Variants in MATN2 observed in about 807,000 individuals in gnomAD.
MATN2 encodes matrilin-2.
Under a neutral mutation model 103.2 loss-of-function variants are expected in MATN2, and 69 were observed. The observed-to-expected ratio is 0.67, with a 90% CI of 0.55 to 0.82. The LOEUF (loss-of-function observed/expected upper bound fraction) is 0.82, where lower values mean the gene tolerates loss of function less well. Ranked by LOEUF, MATN2 falls within the 40% of genes least tolerant of loss-of-function variation. MATN2 has a pLI of 0.00. For missense variants in MATN2, 1,023 were observed against 1,211.5 expected (o/e 0.84, Z 2.31); for synonymous variants, 429 against 450.2 (o/e 0.95, Z 0.60).
intron 8 of MATN2, among the ~76,000 whole-genome samples, chr8:98,006,707 G>C (rs1812981998): frequency 6.6e-6 from 1 of 152,190 alleles, no homozygotes; most frequent in Admixed American, 6.5e-5. Context: ...CCATGGCCCT[G>C]GCAGAGTGCT....
intron 3 of MATN2, among the ~76,000 whole-genome samples, chr8:97,933,932 C>T (rs1431896795): frequency 6.6e-6 from 1 of 152,044 alleles, no homozygotes; most frequent in African/African-American, 2.4e-5. Context: ...GCAGAAAGCC[C>T]CAGGAGGCAG....
chr8:97,913,252 G>A (rs926712787), intron 2 of MATN2, among the ~76,000 whole-genome samples: 1 of 152,046 alleles, frequency 6.6e-6, no homozygotes, highest in Admixed American at 6.6e-5. Flanking sequence ...CTGCAACGCT[G>A]GAAGACTCAT....
chr8:97,994,398 A>G, intron 6 of MATN2, 82 bp from the exon 7 acceptor site: 1 of 1,482,650 alleles, frequency 6.7e-7, no homozygotes, highest in South Asian at 1.3e-5. Flanking sequence ...TGTTTGGGAA[A>G]ATGAAGACTG....
intron 13 of MATN2, among the ~76,000 whole-genome samples, chr8:98,021,988 T>C (rs1813608058): frequency 2.0e-5 from 3 of 152,200 alleles, no homozygotes; most frequent in Admixed American, 2.0e-4. Context: ...GGCAATGTTA[T>C]CAATCCAGTT....
In MATN2 at chr8:98,033,146, C is replaced by A. The variant is rs746899053; in HGVS notation, c.2686C>A (p.Gln896Lys). 2.5e-6 allele frequency: 4 copies of A among 1,608,138 alleles called. No individual in the cohort carries two copies. Among genetic ancestry groups the A allele is most frequent in the South Asian group, 1.1e-5 (1 of 89,354 alleles). The change falls in exon 17 of 19, where the codon CAA becomes AAA. Residue 896 changes from glutamine (Q) to lysine (K), a missense_variant. Gln to Lys is a moderately conservative substitution (Grantham distance 53). Coordinates refer to ENST00000254898, the MANE Select transcript of MATN2 (RefSeq NM_002380.5). ...AGAAGACAATCTTTTACGGTCTACA[C>A]AAAAGCTTTCCCATTCAACAAAACC... Reference protein sequence around the residue: ...FEEDNLLRSTQKLSHSTKPSG... With the variant: ...FEEDNLLRSTKKLSHSTKPSG...
chr8:97,926,659 G>A (rs12548243), intron 2 of MATN2, among the ~76,000 whole-genome samples: 101,120 of 152,026 alleles, frequency 0.67, 34,189 homozygotes, highest in East Asian at 0.92. Context: ...GATTCCATGA[G>A]TCAAACTTCA....
chr8:98,018,951 C>T (rs570844697), intron 12 of MATN2, among the ~76,000 whole-genome samples: 3 of 151,592 alleles, frequency 2.0e-5, no homozygotes, highest in South Asian at 4.2e-4. Context: ...CTGAGAGTTT[C>T]GTTAGAAGGT....
chr8:97,991,052 A>G (rs1812372298), intron 6 of MATN2, among the ~76,000 whole-genome samples: 1 of 152,188 alleles, frequency 6.6e-6, no homozygotes, highest in African/African-American at 2.4e-5. Flanking sequence ...AAGAGACTGT[A>G]TTATTCCAAA....
chr8:97,944,089 G>A (rs1442534194), intron 4 of MATN2, among the ~76,000 whole-genome samples: 1 of 152,194 alleles, frequency 6.6e-6, no homozygotes, highest in Non-Finnish European at 1.5e-5. Flanking sequence ...ACTTCAGACA[G>A]ACTGACCAGG....
chr8:97,874,550 AT>A (rs1387754192), intron 1 of MATN2, among the ~76,000 whole-genome samples: 14 of 151,724 alleles, frequency 9.2e-5, no homozygotes, highest in African/African-American at 3.4e-4. Flanking sequence ...GACTACAAGG[AT>A]TGTGCCACCA....
In MATN2 at chr8:98,019,358, G is replaced by A. The variant is rs1813496818; in HGVS notation, c.1819+1242G>A. 2.6e-5 allele frequency among the ~76,000 whole-genome samples: 4 copies of A among 152,136 alleles called. No individual in the cohort carries two copies. The South Asian group carries it at 8.3e-4, about 32-fold the overall frequency. On this transcript the variant is annotated intron_variant, in intron 12 of 18. Transcript: ENST00000254898. ...GGAGACCCAGGCAAGAGCTGATGCT[G>A]CAGCCCAAGTCTGAAGGCAGTCTGG...
intron 8 of MATN2, chr8:98,004,112 C>T (rs12549307): frequency 0.55 from 154,029 of 280,252 alleles, 43,901 homozygotes; most frequent in Non-Finnish European, 0.63. Flanking sequence ...CATGGTGAAA[C>T]CCTATCTCTA....
chr8:97,958,441 A>C (rs918014791), intron 4 of MATN2, among the ~76,000 whole-genome samples: 1 of 152,252 alleles, frequency 6.6e-6, no homozygotes, highest in South Asian at 2.1e-4. Flanking sequence ...TAAGAGAGAC[A>C]CAGTACATCC....
intron 6 of MATN2, among the ~76,000 whole-genome samples, chr8:97,984,984 A>G (rs184049309): frequency 2.6e-5 from 4 of 152,378 alleles, no homozygotes; most frequent in Admixed American, 2.6e-4. Flanking sequence ...TCTATGAAAT[A>G]AAATGATCTG....
At chr8:98,019,742 G>C (rs2130424976) in intron 12 of MATN2, among the ~76,000 whole-genome samples, 1 of 152,314 alleles carries the variant, frequency 6.6e-6, no homozygotes. Flanking sequence ...GGGGGGAGGG[G>C]TGGTTGACAA....
rs569000966 is a variant in MATN2, at chr8:98,005,193, C to T, written c.1327+1410C>T. On this transcript the variant is annotated intron_variant, in intron 8 of 18. Coordinates refer to ENST00000254898, the MANE Select transcript of MATN2 (RefSeq NM_002380.5). The surrounding 1 kb of genome is among the most constrained non-coding windows in gnomAD (Gnocchi z 4.6). ...CAGTGTCCAGAGAGAACAAAGTGCC[C>T]GGTAAAGGCTTTCTAAGGACTGATC... Among the ~76,000 whole-genome samples the T allele has an allele frequency of 3.3e-5, 5 of 152,324 alleles. No individual in the cohort carries two copies. Among genetic ancestry groups the T allele is most frequent in the African/African-American group, 4.8e-5 (2 of 41,574 alleles).
chr8:98,009,703 C>T (rs189407224), intron 10 of MATN2, among the ~76,000 whole-genome samples: 8 of 152,184 alleles, frequency 5.3e-5, no homozygotes, highest in Admixed American at 3.3e-4. Context: ...CTTTTTGCCT[C>T]GGGCAGTTAG....
chr8:97,914,285 G>C (rs141590861), intron 2 of MATN2, among the ~76,000 whole-genome samples: 23 of 146,844 alleles, frequency 1.6e-4, no homozygotes, highest in African/African-American at 5.8e-4. Context: ...GGAACCCTTA[G>C]AATAAGCCTA....
At chr8:98,029,896 C>G (rs1351743206) in intron 14 of MATN2, among the ~76,000 whole-genome samples, 1 of 152,110 alleles carries the variant, frequency 6.6e-6, no homozygotes, top group African/African-American at 2.4e-5. Flanking sequence ...TAAGGCTGAT[C>G]TTGGGTTTGT....
Sources: allele counts gnomAD v4.1 joint callset (sites outside exome capture counted in the v4.1 genomes callset), GRCh38; gene constraint gnomAD v4.1.1; non-coding constraint Gnocchi (gnomAD v3.1); transcripts MANE v1.5; gene names NCBI Gene and HGNC (gene_info 2026-07-23, HGNC 2026-07-21).